LEKR1: variants seen among roughly 807,000 people sequenced by gnomAD.
LEKR1 encodes the protein protein LEKR1.
In LEKR1, 59 loss-of-function variants were observed where a neutral mutation model predicts 72.4. That is an observed-to-expected ratio of 0.82 (90% CI 0.66 to 1.01). LEKR1 has a LOEUF of 1.01. Among genes scored for constraint, LEKR1 ranks in the 50% least tolerant of loss-of-function variants. The pLI, the probability that LEKR1 is intolerant of heterozygous loss-of-function variation, is 0.00. For missense variants in LEKR1, 728 were observed against 759.2 expected, an observed-to-expected ratio of 0.96 and a Z score of 0.48; for synonymous variants, 257 against 263.2, an observed-to-expected ratio of 0.98 and a Z score of 0.23.
At chr3:156,882,733 CAA>C (rs1448063712) in intron 3 of LEKR1, among the ~76,000 whole-genome samples, 1 of 152,130 alleles carries the variant, frequency 6.6e-6, no homozygotes. Flanking sequence ...TTCAGAATAG[CAA>C]AGACTTGGAA....
chr3:157,022,519 G>A (rs2108032270), intron 10 of LEKR1, among the ~76,000 whole-genome samples: 1 of 152,170 alleles, frequency 6.6e-6, no homozygotes, highest in East Asian at 1.9e-4. Context: ...GGATTGGGTG[G>A]GGAGGGTAAA....
intron 6 of LEKR1, among the ~76,000 whole-genome samples, chr3:156,962,909 T>C (rs1728248552): frequency 6.6e-6 from 1 of 152,214 alleles, no homozygotes; most frequent in South Asian, 2.1e-4. Context: ...GCTCTACCAC[T>C]CTCTTTGCCT....
At chr3:156,947,150 C>A (rs1465099315) in intron 6 of LEKR1, among the ~76,000 whole-genome samples, 1 of 150,756 alleles carries the variant, frequency 6.6e-6, no homozygotes, top group African/African-American at 2.4e-5. Flanking sequence ...TTCTTTTCTT[C>A]TAATTTTGGA....
intron 6 of LEKR1, among the ~76,000 whole-genome samples, chr3:156,953,974 T>C (rs1338027788): frequency 1.3e-5 from 2 of 151,898 alleles, no homozygotes; most frequent in African/African-American, 4.8e-5. Flanking sequence ...AACTAATTTG[T>C]ACTCCCACCA....
intron 3 of LEKR1, among the ~76,000 whole-genome samples, chr3:156,898,935 A>T (rs1477194661): frequency 6.6e-6 from 1 of 152,186 alleles, no homozygotes; most frequent in Non-Finnish European, 1.5e-5. Context: ...AAACATCTAT[A>T]AAACATGTTG....
At chr3:156,941,072 TTAG>T (rs1726156359) in intron 5 of LEKR1, among the ~76,000 whole-genome samples, 1 of 152,108 alleles carries the variant, frequency 6.6e-6, no homozygotes, top group South Asian at 2.1e-4. Flanking sequence ...GTACTGTGTG[TTAG>T]TAGTTTTCCT....
intron 12 of LEKR1, among the ~76,000 whole-genome samples, chr3:157,044,728 C>G (rs1323945379): frequency 6.6e-6 from 1 of 152,150 alleles, no homozygotes; most frequent in African/African-American, 2.4e-5. Flanking sequence ...AGCAGAAGAT[C>G]TTCTCTATTT....
intron 7 of LEKR1, among the ~76,000 whole-genome samples, chr3:156,989,256 A>G (rs1006921405): frequency 5.3e-5 from 8 of 152,242 alleles, no homozygotes; most frequent in Non-Finnish European, 1.2e-4. Context: ...TGGATGAACC[A>G]TAACTTATTA....
chr3:156,893,011 C>T (rs1720815038), intron 3 of LEKR1, among the ~76,000 whole-genome samples: 1 of 152,118 alleles, frequency 6.6e-6, no homozygotes, highest in African/African-American at 2.4e-5. Flanking sequence ...AATACTGGAG[C>T]CTTGTAAGGT....
chr3:157,028,315 G>A lies in LEKR1; in HGVS notation c.1581G>A (p.Lys527=), dbSNP rs1438700398. The A allele has an allele frequency of 6.2e-7, 1 of 1,613,458 alleles. No individual in the cohort carries two copies. Among genetic ancestry groups the A allele is most frequent in the Admixed American group, 1.7e-5 (1 of 59,920 alleles). Residue 527 remains lysine, a synonymous_variant, in exon 12 of 13, where the codon AAG becomes AAA. Coordinates refer to ENST00000356539, the MANE Select transcript of LEKR1 (RefSeq NM_001004316.3). The part of the protein sequence containing the change: ...SNDSVSENLR[K]EMEQKSDELK... ...ATTCAGTTTCAGAAAACTTGAGGAA[G>A]GAAATGGAACAGAAGTCGGATGAAC...
At chr3:156,958,002 A>C (rs1262310973) in intron 6 of LEKR1, among the ~76,000 whole-genome samples, 1 of 152,150 alleles carries the variant, frequency 6.6e-6, no homozygotes, top group Non-Finnish European at 1.5e-5. Context: ...GTGATAACAG[A>C]GAAAACATTT....
intron 3 of LEKR1, among the ~76,000 whole-genome samples, chr3:156,893,935 A>G (rs904789770): frequency 6.6e-6 from 1 of 152,200 alleles, no homozygotes; most frequent in Non-Finnish European, 1.5e-5. Context: ...GATGGGACAC[A>G]TTGGCTTGCT....
At chr3:156,968,024 T>A (rs1187786228) in intron 6 of LEKR1, among the ~76,000 whole-genome samples, 1 of 152,152 alleles carries the variant, frequency 6.6e-6, no homozygotes, top group Non-Finnish European at 1.5e-5. Flanking sequence ...CCAGCCAAAC[T>A]AAGCTTCATA....
chr3:156,925,356 T>C (rs1324135174), intron 4 of LEKR1: 1 of 149,880 alleles, frequency 6.7e-6, no homozygotes, highest in Non-Finnish European at 1.5e-5. Context: ...CTTTAGAATT[T>C]TCTACATAGA....
intron 6 of LEKR1, among the ~76,000 whole-genome samples, chr3:156,950,727 C>G (rs1242007505): frequency 6.6e-6 from 1 of 151,590 alleles, no homozygotes; most frequent in Admixed American, 6.6e-5. Context: ...TATCCTGAAA[C>G]TTTGCTAAAG....
intron 3 of LEKR1, among the ~76,000 whole-genome samples, chr3:156,912,396 TGGG>T (rs985582745): frequency 7.9e-5 from 12 of 151,360 alleles, no homozygotes; most frequent in Admixed American, 7.9e-4. Flanking sequence ...GCATAAGGAG[TGGG>T]GGGTAGCAGG....
chr3:157,041,402 C>A (rs1454958484), intron 12 of LEKR1, among the ~76,000 whole-genome samples: 1 of 152,132 alleles, frequency 6.6e-6, no homozygotes, highest in African/African-American at 2.4e-5. Flanking sequence ...ATCATACCAG[C>A]CATCTGCTTG....
Position 156,960,173 on chromosome 3 carries a change from G to A in LEKR1, c.745+17459G>A, listed in dbSNP as rs560071993. ...GTTCTAACTCTGATGGCATTTTCTT[G>A]TTTCCAAAGTTAAATAAATGCTCAT... On this transcript the variant is annotated intron_variant, in intron 6 of 12. Transcript: ENST00000356539. 2.2e-4 allele frequency among the ~76,000 whole-genome samples: 34 copies of A among 152,262 alleles called. 1 individual carries two copies. The highest frequency in any genetic ancestry group is 7.9e-4 in the African/African-American group (33 of 41,556).
rs372990607 is a variant in LEKR1 at position 157,024,363 on chromosome 3, C to T, written c.1204-397C>T. On this transcript the variant is annotated intron_variant, in intron 10 of 12. Transcript: ENST00000356539. ...GCCACTTGAAAAATCAACATTTGTC[C>T]TTTGTGTTCCCTCTGAGTTTTAAGC... Among the ~76,000 whole-genome samples the T allele has an allele frequency of 3.4e-4, 51 of 152,238 alleles. 1 individual carries two copies. In the South Asian group the frequency reaches 9.5e-3, roughly 28 times the overall value.
Sources: gnomAD v4.1 joint callset for allele counts (sites outside exome capture counted in the v4.1 genomes callset) on GRCh38, gnomAD v4.1.1 for gene constraint, MANE v1.5 for transcripts, NCBI Gene and HGNC (gene_info 2026-07-23, HGNC 2026-07-21) for gene names.